The following RAB3GAP2 variants were observed in gnomAD, a reference collection of about 807,000 sequenced individuals.
RAB3GAP2 encodes RAB3 GTPase activating non-catalytic protein subunit 2.
In RAB3GAP2, 87 loss-of-function variants were observed where a neutral mutation model predicts 185.3. That is an observed-to-expected ratio of 0.47 (90% CI 0.39 to 0.56). RAB3GAP2 has a LOEUF of 0.56. Among genes scored for constraint, RAB3GAP2 ranks in the 20% least tolerant of loss-of-function variants. The pLI is 0.00. For synonymous variants in RAB3GAP2, 554 were observed against 576.1 expected (o/e 0.96, Z 0.55); for missense variants, 1,492 against 1,638.2 (o/e 0.91, Z 1.54).
intron 1 of RAB3GAP2, chr1:220,254,213 A>G (rs1659992523): frequency 6.2e-7 from 1 of 1,613,478 alleles, no homozygotes; most frequent in South Asian, 1.1e-5. Flanking sequence ...TATGCGGTTA[A>G]TGAAGTTGTG....
Position 220,151,337 on chromosome 1 carries a change from C to CAATT in RAB3GAP2, c.4092_4095dup (p.Glu1366AsnfsTer2). 1 of 1,614,042 alleles carries CAATT rather than the reference C, an allele frequency of 6.2e-7. No individual in the cohort carries two copies. The highest frequency in any genetic ancestry group is 8.5e-7 in the Non-Finnish European group (1 of 1,180,006). ...TGCCCATGTTTTTCTGGTAAAAGCT[C>CAATT]AATTACTTTATTTACTAGTTTAGCT... On this transcript the variant is annotated frameshift_variant, in exon 35 of 35. Transcript: ENST00000358951. LOFTEE classifies it high-confidence loss of function.
chr1:220,211,190 T>G, intron 4 of RAB3GAP2, 188 bp from the exon 5 acceptor site: 1 of 692,430 alleles, frequency 1.4e-6, no homozygotes, highest in Non-Finnish European at 2.6e-6. Context: ...TCACACAAAA[T>G]GTAATGCCAC....
rs373879791 is a variant in RAB3GAP2 at position 220,157,787 on chromosome 1, A to T, written c.3336+15T>A. 1.3e-6 allele frequency: 2 copies of T among 1,593,678 alleles called. No homozygotes were observed. The highest frequency in any genetic ancestry group is 1.7e-6 in the Non-Finnish European group (2 of 1,161,532). On this transcript the variant is annotated intron_variant, in intron 30 of 34. Coordinates refer to ENST00000358951, the MANE Select transcript of RAB3GAP2 (RefSeq NM_012414.4). Reference sequence around the variant, plus strand: ...TCTTAGGAGCAGTTCAGAATGAAAAATACACCTCTTTTACCTCCATTAAGA... The same window carrying T: ...TCTTAGGAGCAGTTCAGAATGAAAATTACACCTCTTTTACCTCCATTAAGA...
At chr1:220,203,069 T>C (rs1658893417) in intron 8 of RAB3GAP2, among the ~76,000 whole-genome samples, 1 of 152,202 alleles carries the variant, frequency 6.6e-6, no homozygotes, top group South Asian at 2.1e-4. Flanking sequence ...GCTTTACTGA[T>C]AGAAAAACTA....
intron 1 of RAB3GAP2, among the ~76,000 whole-genome samples, chr1:220,241,731 C>A (rs918173253): frequency 2.0e-5 from 3 of 151,854 alleles, no homozygotes; most frequent in African/African-American, 7.2e-5. Flanking sequence ...TTCATATTAG[C>A]AAGAAATACT....
At chr1:220,204,950 A>G (rs1049694898) in intron 8 of RAB3GAP2, among the ~76,000 whole-genome samples, 2 of 151,896 alleles carry the variant, frequency 1.3e-5, no homozygotes, top group African/African-American at 4.8e-5. Context: ...TCCATGGTGT[A>G]TATGTGCCAT....
chr1:220,215,241 G>C (rs1392033954), intron 2 of RAB3GAP2, among the ~76,000 whole-genome samples: 1 of 151,926 alleles, frequency 6.6e-6, no homozygotes, highest in Non-Finnish European at 1.5e-5. Context: ...AAGTAAAATT[G>C]CTGGGTCAAA....
At position 220,185,665 on chromosome 1, in the gene RAB3GAP2, G is replaced by A. The variant is rs146728785; in HGVS notation, c.1856C>T (p.Thr619Ile). 35 of 1,610,066 alleles carry A rather than the reference G, an allele frequency of 2.2e-5. No homozygotes were observed. In the African/African-American group the frequency reaches 3.9e-4, roughly 18 times the overall value. ...AACCCTATTACCTTGACTTTTTAAA[G>A]TGTCCATTAAAGTCTGAGTGATGTT... ...LRNITQTLMD[T>I]LKSQELESVD... Residue 619 changes from threonine to isoleucine, a missense_variant, in exon 18 of 35, where the codon ACT becomes ATT. Around this residue, in one of 5 missense-constraint regions of RAB3GAP2, gnomAD observed 681 missense variants for 689.1 expected, o/e 0.99. Coordinates refer to ENST00000358951, the MANE Select transcript of RAB3GAP2 (RefSeq NM_012414.4).
At position 220,190,077 on chromosome 1, in the gene RAB3GAP2, T is replaced by C. The variant is rs746481124; in HGVS notation, c.1701A>G (p.Lys567=). ...GAGAATACCTACCAAGATTGGGAGATTTTGTTTTCAGTAAGGCTGCTAGTT... is the reference window on the plus strand; with the variant it reads ...GAGAATACCTACCAAGATTGGGAGACTTTGTTTTCAGTAAGGCTGCTAGTT... ...VKKLAALLKT[K]SPNLDLVETE... Residue 567 remains lysine, a synonymous_variant, in exon 16 of 35, where the codon AAA becomes AAG. Coordinates refer to ENST00000358951, the MANE Select transcript of RAB3GAP2 (RefSeq NM_012414.4). 7.4e-6 allele frequency: 12 copies of C among 1,611,488 alleles called. No individual in the cohort carries two copies. Among genetic ancestry groups the C allele is most frequent in the Admixed American group, 1.7e-5 (1 of 59,980 alleles).
intron 2 of RAB3GAP2, among the ~76,000 whole-genome samples, chr1:220,221,443 C>T (rs960030922): frequency 6.6e-6 from 1 of 152,170 alleles, no homozygotes; most frequent in Non-Finnish European, 1.5e-5. Flanking sequence ...TCATGTTGGA[C>T]TGAGCTAATC....
intron 8 of RAB3GAP2, among the ~76,000 whole-genome samples, chr1:220,203,859 G>A (rs1658908327): frequency 6.6e-6 from 1 of 152,036 alleles, no homozygotes; most frequent in South Asian, 2.1e-4. Flanking sequence ...ATATCAACCT[G>A]CTAACAAAGA....
chr1:220,242,394 G>T (rs1458459496), intron 1 of RAB3GAP2, among the ~76,000 whole-genome samples: 3 of 151,922 alleles, frequency 2.0e-5, no homozygotes, highest in Non-Finnish European at 4.4e-5. Context: ...CTGGCCTAAA[G>T]TGGTGTATAA....
chr1:220,205,302 C>A (rs1658942755), intron 8 of RAB3GAP2, among the ~76,000 whole-genome samples: 1 of 152,066 alleles, frequency 6.6e-6, no homozygotes, highest in South Asian at 2.1e-4. Context: ...AATGTCATTG[C>A]CCATATATAT....
intron 1 of RAB3GAP2, among the ~76,000 whole-genome samples, chr1:220,255,576 G>A (rs1430105271): frequency 6.6e-6 from 1 of 152,236 alleles, no homozygotes; most frequent in African/African-American, 2.4e-5. Flanking sequence ...CCAGTTTAGA[G>A]AGGAAGGTAA....
At chr1:220,236,690 T>A (rs1381527245) in intron 1 of RAB3GAP2, among the ~76,000 whole-genome samples, 1 of 151,496 alleles carries the variant, frequency 6.6e-6, no homozygotes, top group Non-Finnish European at 1.5e-5. Context: ...AAAAAAAAGG[T>A]ATATATTGAG....
chr1:220,157,858 T>G lies in RAB3GAP2; in HGVS notation c.3280A>C (p.Thr1094Pro). 2 of 1,613,646 alleles carry G rather than the reference T, an allele frequency of 1.2e-6. No individual in the cohort carries two copies. The highest frequency in any genetic ancestry group is 1.7e-6 in the Non-Finnish European group (2 of 1,179,600). ...LCRRDVGMSD[T>P]AMTSFLGSCL... is the part of the protein sequence containing the mutation. ...GAGCCGAGGAAAGATGTCATTGCTG[T>G]GTCACTCATTCCCACATCCTGTTTT... Residue 1094 changes from threonine to proline, a missense_variant, in exon 30 of 35, where the codon ACA becomes CCA. By Grantham distance (38) the Thr-to-Pro change is conservative. Coordinates refer to ENST00000358951, the MANE Select transcript of RAB3GAP2 (RefSeq NM_012414.4).
chr1:220,200,106 G>A (rs977367078), intron 9 of RAB3GAP2, among the ~76,000 whole-genome samples: 7 of 152,092 alleles, frequency 4.6e-5, no homozygotes, highest in African/African-American at 1.7e-4. Context: ...ACTCTTTACA[G>A]TCAAGTCACA....
chr1:220,272,075 T>C lies in RAB3GAP2; in HGVS notation c.115+148A>G, dbSNP rs1660345378. ...GGGCTTCAGGACGAGGTGGGCAGGGTGTCATCCCGGAGCGGAGGGGAGGCA... is the reference window on the plus strand; with the variant it reads ...GGGCTTCAGGACGAGGTGGGCAGGGCGTCATCCCGGAGCGGAGGGGAGGCA... On this transcript the variant is annotated intron_variant, in intron 1 of 34. Coordinates refer to ENST00000358951, the MANE Select transcript of RAB3GAP2 (RefSeq NM_012414.4). 3 of 724,468 alleles carry C rather than the reference T, an allele frequency of 4.1e-6. No homozygotes were observed. In the African/African-American group the frequency reaches 5.3e-5, roughly 13 times the overall value. 44.9% of individuals were successfully genotyped at this position (724,468 alleles called of 1,614,324 possible).
At chr1:220,252,377 A>G (rs1411480347) in intron 1 of RAB3GAP2, among the ~76,000 whole-genome samples, 3 of 152,156 alleles carry the variant, frequency 2.0e-5, no homozygotes, top group African/African-American at 4.8e-5. Context: ...TGAGCACAGA[A>G]AGTCTGAAAG....
Sources: gnomAD v4.1 joint callset for allele counts (sites outside exome capture counted in the v4.1 genomes callset) on GRCh38, gnomAD v4.1.1 for gene constraint, gnomAD v4.1.1 regional missense constraint, MANE v1.5 for transcripts, NCBI Gene and HGNC (gene_info 2026-07-23, HGNC 2026-07-21) for gene names.